Variants in GRIK1 observed in about 807,000 individuals in gnomAD.
GRIK1 encodes glutamate receptor ionotropic, kainate 1.
In GRIK1, 69 loss-of-function variants were observed where a neutral mutation model predicts 105.7. The ratio of observed to expected loss-of-function variants is 0.65; its 90% CI spans 0.54 to 0.80. The LOEUF is 0.80. Among genes scored for constraint, GRIK1 ranks in the 30% least tolerant of loss-of-function variants. The pLI is 0.00. For synonymous variants in GRIK1, 438 were observed against 431.3 expected, an observed-to-expected ratio of 1.02 and a Z score of -0.19; for missense variants, 1,109 against 1,167.3, an observed-to-expected ratio of 0.95 and a Z score of 0.73.
At chr21:29,652,774 C>T (rs568772717) in intron 5 of GRIK1, among the ~76,000 whole-genome samples, 135 of 152,234 alleles carry the variant, frequency 8.9e-4, no homozygotes, top group African/African-American at 2.9e-3. Context: ...ACAATGCAAC[C>T]GCTTTCTGAA....
intron 7 of GRIK1, among the ~76,000 whole-genome samples, chr21:29,605,462 A>G (rs1487932071): frequency 1.3e-5 from 2 of 152,084 alleles, no homozygotes; most frequent in African/African-American, 4.8e-5. Flanking sequence ...TTTTCAGTCT[A>G]TCATTGATGG....
chr21:29,864,270 A>G (rs1009935082), intron 1 of GRIK1, among the ~76,000 whole-genome samples: 1 of 152,096 alleles, frequency 6.6e-6, no homozygotes, highest in Non-Finnish European at 1.5e-5. Flanking sequence ...ATTATTTTTT[A>G]CTTTTCTTGG....
Position 29,651,169 on chromosome 21 carries a change from T to A in GRIK1, c.903A>T (p.Arg301Ser). ...TCTCGGGCCTGGGTGGGGCCTGCAG[T>A]CTCTCCATGGACCACTTCTCAATGA... ...SSIIEKWSME[R>S]LQAPPRPETG... The change falls in exon 6 of 18, where the codon AGA (arginine) becomes AGT (serine). Residue 301 changes from arginine (R) to serine (S), a missense_variant. Arg to Ser is a moderately radical substitution (Grantham distance 110). Coordinates refer to ENST00000327783, the MANE Select transcript of GRIK1 (RefSeq NM_001330994.2). 2 of 1,613,872 alleles carry A rather than the reference T, an allele frequency of 1.2e-6. No homozygotes were observed. Among genetic ancestry groups the A allele is most frequent in the Non-Finnish European group, 1.7e-6 (2 of 1,179,828 alleles).
At chr21:29,619,496 G>C (rs189022426) in intron 7 of GRIK1, among the ~76,000 whole-genome samples, 1 of 151,972 alleles carries the variant, frequency 6.6e-6, no homozygotes, top group South Asian at 2.1e-4. Flanking sequence ...GAGTGGGAAG[G>C]GGGTGAGCGG....
intron 1 of GRIK1, among the ~76,000 whole-genome samples, chr21:29,733,916 A>G (rs1280829097): frequency 6.6e-6 from 1 of 152,142 alleles, no homozygotes; most frequent in Non-Finnish European, 1.5e-5. Flanking sequence ...AGGTAATAGT[A>G]AAATACAGTG....
At chr21:29,786,907 G>T (rs1240667941) in intron 1 of GRIK1, among the ~76,000 whole-genome samples, 1 of 152,132 alleles carries the variant, frequency 6.6e-6, no homozygotes, top group East Asian at 1.9e-4. Flanking sequence ...GGATAGCCTT[G>T]CTTTGAATAA....
rs1381413546 is a variant in GRIK1, at chr21:29,721,221, CTTG to C, written c.119-27161_119-27159del. 3.3e-5 allele frequency among the ~76,000 whole-genome samples: 5 copies of C among 152,196 alleles called. No individual in the cohort carries two copies. The East Asian group carries it at 9.7e-4, about 29-fold the overall frequency. On this transcript the variant is annotated intron_variant, in intron 1 of 17. Coordinates refer to ENST00000327783, the MANE Select transcript of GRIK1 (RefSeq NM_001330994.2). ...GCATATCTTTTTTCCTGTTGATGTG[CTTG>C]TTGTCAGTTTGTTTCATAGACTCAG...
chr21:29,569,079 G>C (rs1192531934), intron 14 of GRIK1, among the ~76,000 whole-genome samples: 1 of 152,204 alleles, frequency 6.6e-6, no homozygotes, highest in Non-Finnish European at 1.5e-5. Flanking sequence ...AAAAATCTTT[G>C]AGATCTTGGG....
chr21:29,782,270 T>C (rs2066141421), intron 1 of GRIK1, among the ~76,000 whole-genome samples: 1 of 151,582 alleles, frequency 6.6e-6, no homozygotes, highest in Non-Finnish European at 1.5e-5. Context: ...GTATTTTTAG[T>C]AGAGACAGGG....
intron 1 of GRIK1, among the ~76,000 whole-genome samples, chr21:29,910,461 T>C (rs2070775794): frequency 1.3e-5 from 2 of 152,116 alleles, no homozygotes; most frequent in African/African-American, 4.8e-5. Flanking sequence ...TGTACAAGTG[T>C]TTCACTAACC....
intron 1 of GRIK1, among the ~76,000 whole-genome samples, chr21:29,937,318 A>C (rs2071794862): frequency 6.6e-6 from 1 of 152,208 alleles, no homozygotes; most frequent in South Asian, 2.1e-4. Flanking sequence ...AGGACACTCC[A>C]GGCCAGAAGG....
At chr21:29,592,323 T>C (rs2061344961) in intron 9 of GRIK1, among the ~76,000 whole-genome samples, 1 of 152,192 alleles carries the variant, frequency 6.6e-6, no homozygotes, top group Non-Finnish European at 1.5e-5. Context: ...GATTTTACTG[T>C]CACAAAACCA....
chr21:29,912,513 C>T (rs989715109), intron 1 of GRIK1, among the ~76,000 whole-genome samples: 1 of 152,068 alleles, frequency 6.6e-6, no homozygotes. Flanking sequence ...GTTTATTCTC[C>T]AAAATAAACC....
chr21:29,609,304 C>A (rs1057398766), intron 7 of GRIK1, among the ~76,000 whole-genome samples: 1 of 152,136 alleles, frequency 6.6e-6, no homozygotes, highest in African/African-American at 2.4e-5. Flanking sequence ...TCAGAATTCA[C>A]AGACAACTTA....
At chr21:29,832,072 G>C (rs2067657971) in intron 1 of GRIK1, among the ~76,000 whole-genome samples, 1 of 152,170 alleles carries the variant, frequency 6.6e-6, no homozygotes, top group Non-Finnish European at 1.5e-5. Flanking sequence ...CCAAAACCCA[G>C]CAAGGGAGTG....
rs776049048 is a variant in GRIK1 at position 29,598,871 on chromosome 21, C to A, written c.1165G>T (p.Asp389Tyr). 1.3e-6 allele frequency: 2 copies of A among 1,591,672 alleles called. No homozygotes were observed. Among genetic ancestry groups the A allele is most frequent in the Non-Finnish European group, 1.7e-6 (2 of 1,162,068 alleles). ...TCTTTGAGACTAATAATGTCCAGAT[C>A]AAAATCCTTCCTCAAGCCATTGGTT... is the stretch of plus-strand genomic sequence containing the variant. ...NKTNGLRKDF[D>Y]LDIISLKEEG... is the part of the protein sequence containing the mutation. The change falls in exon 8 of 18, where the codon GAT becomes TAT. Residue 389 changes from aspartate to tyrosine, a missense_variant. By Grantham distance (160) the Asp-to-Tyr change is radical. Coordinates refer to ENST00000327783, the MANE Select transcript of GRIK1 (RefSeq NM_001330994.2).
intron 16 of GRIK1, among the ~76,000 whole-genome samples, chr21:29,546,304 C>G (rs1234102272): frequency 6.6e-6 from 1 of 152,198 alleles, no homozygotes; most frequent in African/African-American, 2.4e-5. Flanking sequence ...GAGGAAGACA[C>G]TATGTATGAA....
At chr21:29,570,410 GA>G (rs2090714101) in intron 14 of GRIK1, among the ~76,000 whole-genome samples, 2 of 151,804 alleles carry the variant, frequency 1.3e-5, no homozygotes, top group South Asian at 4.2e-4. Context: ...GCTGAGGCAG[GA>G]GAATCATTTG....
At chr21:29,702,413 C>A (rs759338670) in intron 1 of GRIK1, among the ~76,000 whole-genome samples, 8 of 152,084 alleles carry the variant, frequency 5.3e-5, no homozygotes, top group Non-Finnish European at 8.8e-5. Flanking sequence ...GAGTCACCAC[C>A]ATAAAGGTGG....
Sources: allele counts gnomAD v4.1 joint callset (sites outside exome capture counted in the v4.1 genomes callset), GRCh38; gene constraint gnomAD v4.1.1; transcripts MANE v1.5; gene names NCBI Gene and HGNC (gene_info 2026-07-23, HGNC 2026-07-21).